Variants in ANK1 observed in about 807,000 individuals in gnomAD.
ANK1 encodes ankyrin-1.
Under a neutral mutation model 210.4 loss-of-function variants are expected in ANK1, and 51 were observed. That is an observed-to-expected ratio of 0.24 (90% CI 0.19 to 0.31). ANK1 has a LOEUF of 0.31. Ranked by LOEUF, ANK1 falls within the 10% of genes least tolerant of loss-of-function variation. ANK1 has a pLI of 1.00. For missense variants in ANK1, 2,051 were observed against 2,504.4 expected (o/e 0.82, Z 3.86); for synonymous variants, 967 against 1,025.9 (o/e 0.94, Z 1.10).
chr8:41,838,833 T>G (rs890624932), intron 1 of ANK1, among the ~76,000 whole-genome samples: 7 of 148,088 alleles, frequency 4.7e-5, no homozygotes, highest in African/African-American at 1.8e-4. Context: ...TCCTAACACT[T>G]TGGGAGGCCA....
chr8:41,883,602 G>A (rs1267300315), intron 1 of ANK1, among the ~76,000 whole-genome samples: 1 of 152,110 alleles, frequency 6.6e-6, no homozygotes, highest in African/African-American at 2.4e-5. Flanking sequence ...TGGGAATACA[G>A]GCACGCACCA....
intron 20 of ANK1, among the ~76,000 whole-genome samples, chr8:41,703,450 A>ATATATATATATATATATATTTT (rs59985416): frequency 1.7e-5 from 1 of 58,826 alleles, no homozygotes; most frequent in African/African-American, 9.0e-5. Context: ...ATATATATAT[A>ATATATATATATATATATATTTT]TTTTTTTTTT....
chr8:41,787,477 G>A (rs1405726837), intron 1 of ANK1, among the ~76,000 whole-genome samples: 1 of 152,156 alleles, frequency 6.6e-6, no homozygotes, highest in Non-Finnish European at 1.5e-5. Context: ...GACAGGGGTA[G>A]CTGGGAGAGA....
rs1057205028 is a variant in ANK1, at chr8:41,694,343, C to T, written c.3328-241G>A. ...CCACAGTCAACTCCCGGAGGTCATG[C>T]GGTTCCTGCATGCTGCACAGACTGG... On this transcript the variant is annotated intron_variant, in intron 28 of 42. Coordinates refer to ENST00000289734, the MANE Select transcript of ANK1 (RefSeq NM_000037.4). This position sits in a 1 kb window ranked among gnomAD's most constrained non-coding sequence, Gnocchi z 5.7. Among the ~76,000 whole-genome samples, 10 of 152,340 alleles carry T rather than the reference C, an allele frequency of 6.6e-5. No homozygotes were observed. Among genetic ancestry groups the T allele is most frequent in the Non-Finnish European group, 5.9e-5 (4 of 68,022 alleles).
At chr8:41,849,784 C>T (rs1276150812) in intron 1 of ANK1, among the ~76,000 whole-genome samples, 3 of 152,210 alleles carry the variant, frequency 2.0e-5, no homozygotes, top group East Asian at 1.9e-4. Flanking sequence ...TTCGTCAGCA[C>T]GTCACTCACA....
At chr8:41,755,255 T>C (rs925084219) in intron 2 of ANK1, among the ~76,000 whole-genome samples, 3 of 152,036 alleles carry the variant, frequency 2.0e-5, no homozygotes, top group African/African-American at 4.8e-5. Context: ...GAAGGCAGAG[T>C]GACAAGGCAG....
At position 41,668,543 on chromosome 8, in the gene ANK1, G is replaced by A. The variant is rs372080096; in HGVS notation, c.5118C>T (p.Asp1706=). The change falls in exon 39 of 43, where the codon GAC becomes GAT. Residue 1706 remains aspartate (D), a synonymous_variant. Coordinates refer to ENST00000289734, the MANE Select transcript of ANK1 (RefSeq NM_000037.4). The part of the protein sequence containing the change: ...SQDRLQDWDA[D]GSIVSYLQDA... The stretch of plus-strand genomic sequence containing the variant: ...CTTGCAGGTATGAGACAATCGAGCC[G>A]TCTGCATCCCAGTCCTGCAGTCTGG... 37 of 1,613,588 alleles carry A rather than the reference G, an allele frequency of 2.3e-5. No homozygotes were observed. The highest frequency in any genetic ancestry group is 1.3e-4 in the East Asian group (6 of 44,870).
chr8:41,796,549 GAA>G (rs397947255), intron 1 of ANK1, among the ~76,000 whole-genome samples: 1 of 121,602 alleles, frequency 8.2e-6, no homozygotes, highest in Non-Finnish European at 1.8e-5. Context: ...TCTCTCCTTA[GAA>G]AAAAAAAAAA....
chr8:41,697,732 G>C, intron 24 of ANK1: 1 of 447,436 alleles, frequency 2.2e-6, no homozygotes, highest in South Asian at 2.1e-5. Context: ...CCTACCCTAG[G>C]CCAAGAGTTG....
At chr8:41,853,873 A>C (rs1284926157) in intron 1 of ANK1, among the ~76,000 whole-genome samples, 1 of 152,044 alleles carries the variant, frequency 6.6e-6, no homozygotes, top group Non-Finnish European at 1.5e-5. Context: ...CGATCCTCCC[A>C]CCTCAGTCTC....
chr8:41,711,227 G>T (rs1826031473), intron 16 of ANK1, among the ~76,000 whole-genome samples: 1 of 152,170 alleles, frequency 6.6e-6, no homozygotes, highest in South Asian at 2.1e-4. Flanking sequence ...TAGACACGGA[G>T]CACCAGTCAG....
At chr8:41,717,218 A>T (rs575817) in intron 12 of ANK1, among the ~76,000 whole-genome samples, 167 bp from the exon 13 acceptor site, 3 of 152,214 alleles carry the variant, frequency 2.0e-5, no homozygotes, top group East Asian at 1.9e-4. Context: ...TGTGTGCATG[A>T]GCATGTATGT....
chr8:41,873,088 T>C (rs2150826379), intron 1 of ANK1, among the ~76,000 whole-genome samples: 1 of 152,354 alleles, frequency 6.6e-6, no homozygotes, highest in Middle Eastern at 3.4e-3. Context: ...TCATTCCACC[T>C]GAGCTCTCTC....
At chr8:41,824,866 G>C (rs1163864241) in intron 1 of ANK1, among the ~76,000 whole-genome samples, 1 of 152,190 alleles carries the variant, frequency 6.6e-6, no homozygotes, top group Non-Finnish European at 1.5e-5. Context: ...GTGGAGGGCT[G>C]GCTGCAGAGC....
chr8:41,660,516 A>G (rs1192509869), intron 42 of ANK1: 2 of 467,020 alleles, frequency 4.3e-6, no homozygotes, highest in Non-Finnish European at 8.9e-6. Context: ...TGCCCCAGGG[A>G]GGATGGAGAT....
chr8:41,781,421 C>A (rs1845296405), intron 1 of ANK1, among the ~76,000 whole-genome samples: 2 of 152,230 alleles, frequency 1.3e-5, no homozygotes, highest in Non-Finnish European at 2.9e-5. Flanking sequence ...AGAATCTGTT[C>A]TCGCCCCAGC....
chr8:41,700,506 T>TA, intron 22 of ANK1: 2 of 1,575,028 alleles, frequency 1.3e-6, no homozygotes, highest in Non-Finnish European at 1.7e-6. Flanking sequence ...TGAAGGCAGT[T>TA]AAAGCGAGAG....
chr8:41,677,847 C>T (rs1323538695), intron 37 of ANK1, among the ~76,000 whole-genome samples: 4 of 152,184 alleles, frequency 2.6e-5, no homozygotes, highest in Non-Finnish European at 4.4e-5. Flanking sequence ...ACCTCGACCT[C>T]CCAAAGTGCC....
rs1390841667 is a variant in ANK1, at chr8:41,703,446, A to T, written c.2295+595T>A. On this transcript the variant is annotated intron_variant, in intron 20 of 42. Transcript: ENST00000289734. ...TGTATATATATATATATATATATAT[A>T]TATATTTTTTTTTTTTTTTTAAGAC... Among the ~76,000 whole-genome samples, 259 of 61,540 alleles carry T rather than the reference A, an allele frequency of 4.2e-3. 9 individuals are homozygous for T. Among genetic ancestry groups the T allele is most frequent in the African/African-American group, 0.015 (229 of 15,272 alleles). The allele number at this position is 61,540 out of a possible 152,430, so 40.4% of individuals were successfully genotyped here. A position where few individuals can be genotyped will look rare whatever the true frequency, so the allele number is the denominator to read the frequency against.
Sources: allele counts gnomAD v4.1 joint callset (sites outside exome capture counted in the v4.1 genomes callset), GRCh38; gene constraint gnomAD v4.1.1; non-coding constraint Gnocchi (gnomAD v3.1); transcripts MANE v1.5; gene names NCBI Gene and HGNC (gene_info 2026-07-23, HGNC 2026-07-21).